Variants in SCFD2 observed in about 807,000 individuals in gnomAD.
SCFD2 encodes the protein sec1 family domain-containing protein 2.
SCFD2 carries 54 observed loss-of-function variants against 58.9 expected under a neutral mutation model. The ratio of observed to expected loss-of-function variants is 0.92; its 90% CI spans 0.74 to 1.15. SCFD2 has a LOEUF of 1.15. SCFD2 is among the 50% of genes most tolerant of loss of function. SCFD2 has a pLI of 0.00. For missense variants in SCFD2, 805 were observed against 836.6 expected (o/e 0.96, Z 0.47); for synonymous variants, 321 against 335.9 (o/e 0.96, Z 0.49).
At chr4:53,191,685 G>A (rs945993110) in intron 4 of SCFD2, among the ~76,000 whole-genome samples, 60 of 152,188 alleles carry the variant, frequency 3.9e-4, no homozygotes, top group African/African-American at 1.1e-3. Context: ...GATTATAGGC[G>A]TGAGCCACCG....
rs1452509898 is a variant in SCFD2, at chr4:53,168,387, T to C, written c.1312-22805A>G. Among the ~76,000 whole-genome samples, 5 of 152,254 alleles carry C rather than the reference T, an allele frequency of 3.3e-5. No individual in the cohort carries two copies. The East Asian group carries it at 9.6e-4, about 29-fold the overall frequency. On this transcript the variant is annotated intron_variant, in intron 4 of 8. Transcript: ENST00000401642. The stretch of plus-strand genomic sequence containing the variant: ...TTAGGCCTGCAGAAGTACCAAAGAT[T>C]ATTCTTCCAGATAAGAGCTCACAAC...
At chr4:53,242,795 G>A (rs1025637494) in intron 4 of SCFD2, among the ~76,000 whole-genome samples, 1 of 152,178 alleles carries the variant, frequency 6.6e-6, no homozygotes, top group Non-Finnish European at 1.5e-5. Context: ...TAGTCAATCT[G>A]ATATAGCTGA....
intron 5 of SCFD2, among the ~76,000 whole-genome samples, chr4:53,083,201 C>T (rs1193641730): frequency 6.6e-6 from 1 of 152,054 alleles, no homozygotes; most frequent in African/African-American, 2.4e-5. Flanking sequence ...AAAAGCAGCT[C>T]TGGTGAGGTC....
chr4:53,052,545 G>T (rs1723213650), intron 5 of SCFD2, among the ~76,000 whole-genome samples: 1 of 152,144 alleles, frequency 6.6e-6, no homozygotes, highest in Non-Finnish European at 1.5e-5. Flanking sequence ...CTCTTGAATT[G>T]ATCTTCCCTT....
intron 4 of SCFD2, among the ~76,000 whole-genome samples, chr4:53,191,322 TAAAC>T (rs1727885059): frequency 6.6e-6 from 1 of 151,816 alleles, no homozygotes; most frequent in Non-Finnish European, 1.5e-5. Flanking sequence ...AAGAAATAAA[TAAAC>T]AAACGAACAT....
At chr4:53,218,673 C>T (rs1045194409) in intron 4 of SCFD2, among the ~76,000 whole-genome samples, 65 of 152,218 alleles carry the variant, frequency 4.3e-4, no homozygotes, top group Non-Finnish European at 1.9e-4. Context: ...AGCTTTCTTC[C>T]GTTGCTGGCG....
intron 6 of SCFD2, among the ~76,000 whole-genome samples, chr4:52,918,065 A>T (rs949547223): frequency 6.6e-6 from 1 of 151,920 alleles, no homozygotes; most frequent in Non-Finnish European, 1.5e-5. Context: ...GCCAGCTAGC[A>T]CTCTCCCACG....
At chr4:53,359,320 TA>T (rs1171168167) in intron 1 of SCFD2, among the ~76,000 whole-genome samples, 2 of 152,318 alleles carry the variant, frequency 1.3e-5, no homozygotes, top group African/African-American at 4.8e-5. Flanking sequence ...TCTAATAACA[TA>T]AATTAATATA....
chr4:53,206,979 A>G (rs1314383166), intron 4 of SCFD2, among the ~76,000 whole-genome samples: 2 of 152,044 alleles, frequency 1.3e-5, no homozygotes, highest in Non-Finnish European at 2.9e-5. Context: ...GAAGTCCAAG[A>G]GCATGGTTCC....
At chr4:53,000,344 G>T (rs1363526248) in intron 5 of SCFD2, among the ~76,000 whole-genome samples, 1 of 152,162 alleles carries the variant, frequency 6.6e-6, no homozygotes, top group African/African-American at 2.4e-5. Context: ...TACAAATAGA[G>T]ACTTTCAGCT....
chr4:53,080,450 T>C (rs1308705165), intron 5 of SCFD2, among the ~76,000 whole-genome samples: 1 of 152,170 alleles, frequency 6.6e-6, no homozygotes, highest in Non-Finnish European at 1.5e-5. Flanking sequence ...AGTATAAACA[T>C]TGAAGACCTT....
chr4:52,900,767 C>G (rs1719173020), intron 7 of SCFD2, among the ~76,000 whole-genome samples: 1 of 152,242 alleles, frequency 6.6e-6, no homozygotes, highest in African/African-American at 2.4e-5. Context: ...GGCAGGCCTC[C>G]TTGAGCTGTG....
intron 6 of SCFD2, among the ~76,000 whole-genome samples, chr4:52,909,429 G>A (rs969502010): frequency 3.3e-5 from 5 of 152,160 alleles, no homozygotes; most frequent in Admixed American, 3.3e-4. Context: ...GCAAGGTGAG[G>A]ATACTGTGTA....
chr4:52,920,504 C>T (rs1481542642), intron 6 of SCFD2, among the ~76,000 whole-genome samples: 1 of 152,136 alleles, frequency 6.6e-6, no homozygotes, highest in Non-Finnish European at 1.5e-5. Flanking sequence ...GGCTGACTCC[C>T]AACTCAGTGC....
At chr4:53,131,048 T>C (rs1177573732) in intron 5 of SCFD2, among the ~76,000 whole-genome samples, 1 of 152,114 alleles carries the variant, frequency 6.6e-6, no homozygotes, top group Non-Finnish European at 1.5e-5. Flanking sequence ...AATTAATAAC[T>C]GTAATGATCC....
At chr4:53,051,411 TC>T (rs1022720420) in intron 5 of SCFD2, among the ~76,000 whole-genome samples, 6 of 152,008 alleles carry the variant, frequency 3.9e-5, no homozygotes, top group African/African-American at 1.2e-4. Context: ...CAACGGAGCC[TC>T]TCCAATCTTC....
chr4:53,168,858 T>A (rs1407461789), intron 4 of SCFD2, among the ~76,000 whole-genome samples: 1 of 152,212 alleles, frequency 6.6e-6, no homozygotes, highest in Non-Finnish European at 1.5e-5. Flanking sequence ...TCTTCCTGTC[T>A]AAACTGAAAC....
intron 4 of SCFD2, among the ~76,000 whole-genome samples, chr4:53,210,509 G>A (rs1468317408): frequency 2.0e-5 from 3 of 152,078 alleles, no homozygotes; most frequent in Non-Finnish European, 2.9e-5. Context: ...AATGCAGAAG[G>A]AGAGACGAGA....
At chr4:52,914,117 T>C (rs1335784319) in intron 6 of SCFD2, among the ~76,000 whole-genome samples, 1 of 152,240 alleles carries the variant, frequency 6.6e-6, no homozygotes, top group Middle Eastern at 3.2e-3. Flanking sequence ...GGTTAACTTT[T>C]TATCTCTGTT....
Sources: gnomAD v4.1 joint callset for allele counts (sites outside exome capture counted in the v4.1 genomes callset) on GRCh38, gnomAD v4.1.1 for gene constraint, MANE v1.5 for transcripts, NCBI Gene and HGNC (gene_info 2026-07-23, HGNC 2026-07-21) for gene names.